The following NAT10 variants were observed in gnomAD, a reference collection of about 807,000 sequenced individuals.
NAT10 encodes RNA cytidine acetyltransferase.
NAT10 carries 109 observed loss-of-function variants against 132.2 expected under a neutral mutation model. The observed-to-expected ratio is 0.82, with a 90% CI of 0.71 to 0.97. NAT10 has a LOEUF of 0.97. NAT10 is among the 50% of genes least tolerant of loss of function. The pLI, the probability that NAT10 is intolerant of heterozygous loss-of-function variation, is 0.00. For synonymous variants in NAT10, 479 were observed against 478.0 expected (o/e 1.00, Z -0.03); for missense variants, 1,184 against 1,263.4 (o/e 0.94, Z 0.95).
At chr11:34,142,132 C>T in intron 26 of NAT10, 143 bp from the exon 27 acceptor site, 1 of 757,998 alleles carries the variant, frequency 1.3e-6, no homozygotes, top group South Asian at 1.8e-5. Context: ...ATAATCAAAG[C>T]TGCCTACAAG....
chr11:34,107,307 G>C (rs1445397462), intron 1 of NAT10: 2 of 152,140 alleles, frequency 1.3e-5, no homozygotes, highest in African/African-American at 4.8e-5. Context: ...CACTCCCGGC[G>C]AGAACTTTTG....
rs1341042879 is a variant in NAT10, at chr11:34,142,900, A to C, written c.2886-545A>C. 2.0e-5 allele frequency among the ~76,000 whole-genome samples: 3 copies of C among 152,286 alleles called. No individual in the cohort carries two copies. The East Asian group carries it at 5.8e-4, about 29-fold the overall frequency. On this transcript the variant is annotated intron_variant, in intron 27 of 28. Coordinates refer to ENST00000257829, the MANE Select transcript of NAT10 (RefSeq NM_024662.3). ...TAGTCCTGTTTCTGGGTCATTAGTG[A>C]TGGTGGCTGCTGGGTATGTGAGGTG...
intron 4 of NAT10, 125 bp downstream of exon 4, chr11:34,112,348 C>T: frequency 1.7e-6 from 2 of 1,145,242 alleles, no homozygotes; most frequent in Non-Finnish European, 2.5e-6. Context: ...TATGCCCAAG[C>T]ATTATTAGTG....
At chr11:34,107,821 G>A (rs1281274269) in intron 1 of NAT10, among the ~76,000 whole-genome samples, 1 of 152,236 alleles carries the variant, frequency 6.6e-6, no homozygotes, top group East Asian at 1.9e-4. Context: ...GTTGCAGTGA[G>A]CCGAGATCAT....
chr11:34,140,717 C>G, intron 24 of NAT10, 145 bp downstream of exon 24: 1 of 995,272 alleles, frequency 1.0e-6, no homozygotes, highest in South Asian at 1.6e-5. Flanking sequence ...CCTCATTCTA[C>G]AGGTCAGGAA....
chr11:34,127,547 G>GA lies in NAT10; in HGVS notation c.1192_1193insA (p.Val398AspfsTer20). 6 of 1,614,102 alleles carry GA rather than the reference G, an allele frequency of 3.7e-6. No individual in the cohort carries two copies. Among genetic ancestry groups the GA allele is most frequent in the Non-Finnish European group, 5.1e-6 (6 of 1,180,000 alleles). ...AGCTGCCGCCATCCCCCTCCCCTTG[G>GA]TGAAGAGCCTACTTGGCCCCTACCT... is the stretch of plus-strand genomic sequence containing the variant. On this transcript the variant is annotated frameshift_variant, in exon 12 of 29. Transcript: ENST00000257829. LOFTEE classifies it high-confidence loss of function.
Position 34,120,321 on chromosome 11 carries a change from C to T in NAT10, c.780+1818C>T, listed in dbSNP as rs1851870559. On this transcript the variant is annotated intron_variant, in intron 8 of 28. Transcript: ENST00000257829. ...AGTTTATAACTTCTATAATATAAAA[C>T]AAAATGATAAAATACAGCCTTCAGG... is the stretch of plus-strand genomic sequence containing the variant. Among the ~76,000 whole-genome samples, 3 of 152,156 alleles carry T rather than the reference C, an allele frequency of 2.0e-5. 1 individual carries two copies. The South Asian group carries it at 6.2e-4, about 32-fold the overall frequency.
chr11:34,112,181 C>G lies in NAT10; in HGVS notation c.330C>G (p.Thr110=). The change falls in exon 4 of 29, where the codon ACC becomes ACG. Residue 110 remains threonine, a synonymous_variant. Coordinates refer to ENST00000257829, the MANE Select transcript of NAT10 (RefSeq NM_024662.3). ...TNIRYCYYNE[T]HKILGNTFGM... ...TTCGCTACTGCTACTACAACGAGAC[C>G]CACAAGATCCTGGGCAATACCTTCG... 1.9e-6 allele frequency: 3 copies of G among 1,614,226 alleles called. No individual in the cohort carries two copies. Among genetic ancestry groups the G allele is most frequent in the Non-Finnish European group, 2.5e-6 (3 of 1,180,046 alleles).
Position 34,140,580 on chromosome 11 carries a change from A to C in NAT10, c.2592+8A>C. 2.5e-6 allele frequency: 4 copies of C among 1,611,102 alleles called. No individual in the cohort carries two copies. Among genetic ancestry groups the C allele is most frequent in the East Asian group, 2.2e-5 (1 of 44,716 alleles). On this transcript the variant is annotated splice_region_variant and intron_variant, in intron 24 of 28. Transcript: ENST00000257829. ...CTGTCTGCGGCTCAGTCGGTATGCT[A>C]TCTGTTGCTTGCGTGGAGGAGAAGC... is the stretch of plus-strand genomic sequence containing the variant.
chr11:34,133,020 C>G lies in NAT10; in HGVS notation c.1618-6C>G. 1 of 1,612,374 alleles carries G rather than the reference C, an allele frequency of 6.2e-7. No individual in the cohort carries two copies. ...CTTCTCACTGACCCGTGTTTGGCTT[C>G]CACAGAACTCTCCCAATGATCTCCA... On this transcript the variant is annotated splice_polypyrimidine_tract_variant and splice_region_variant and intron_variant, in intron 15 of 28. Transcript: ENST00000257829.
chr11:34,128,635 T>C (rs1852045453), intron 12 of NAT10, among the ~76,000 whole-genome samples: 1 of 152,240 alleles, frequency 6.6e-6, no homozygotes, highest in South Asian at 2.1e-4. Flanking sequence ...TTGCTTACAC[T>C]GAAAATACTG....
At chr11:34,107,755 G>A (rs1851620250) in intron 1 of NAT10, among the ~76,000 whole-genome samples, 1 of 152,176 alleles carries the variant, frequency 6.6e-6, no homozygotes, top group African/African-American at 2.4e-5. Context: ...TGCGCCTGTA[G>A]TCCCAGCTAC....
chr11:34,138,533 A>G (rs1374908135), intron 21 of NAT10, among the ~76,000 whole-genome samples: 1 of 151,990 alleles, frequency 6.6e-6, no homozygotes, highest in East Asian at 1.9e-4. Flanking sequence ...CTGTCAGTAC[A>G]TTTGGTGGAG....
At chr11:34,110,200 G>A (rs1293259359) in intron 3 of NAT10, among the ~76,000 whole-genome samples, 4 of 152,064 alleles carry the variant, frequency 2.6e-5, no homozygotes, top group African/African-American at 9.7e-5. Context: ...GCTGGCTTGT[G>A]CGATTCTGTC....
At chr11:34,146,034 T>C (rs747023186) in intron 28 of NAT10, 50 bp from the exon 29 acceptor site, 1 of 1,302,786 alleles carries the variant, frequency 7.7e-7, no homozygotes, top group Non-Finnish European at 1.1e-6. Context: ...CAGTCTCAGA[T>C]GTTCAGATCT....
At chr11:34,144,797 T>G (rs1157241837) in intron 28 of NAT10, among the ~76,000 whole-genome samples, 1 of 152,194 alleles carries the variant, frequency 6.6e-6, no homozygotes, top group East Asian at 1.9e-4. Flanking sequence ...CACAGCTGAT[T>G]TGGGGGTTGA....
intron 8 of NAT10, among the ~76,000 whole-genome samples, chr11:34,118,768 G>A (rs1851831948): frequency 6.6e-6 from 1 of 152,032 alleles, no homozygotes; most frequent in Non-Finnish European, 1.5e-5. Context: ...TTTAAAAGAC[G>A]GAGTCTCACT....
In NAT10 at chr11:34,118,265, A is replaced by C. The variant is rs756917690; in HGVS notation, c.643A>C (p.Thr215Pro). 6.2e-7 allele frequency: 1 copy of C among 1,614,106 alleles called. No homozygotes were observed. Among genetic ancestry groups the C allele is most frequent in the Admixed American group, 1.7e-5 (1 of 60,010 alleles). ...NILPISSHVA[T>P]MEALPPQTPD... Reference sequence around the variant, plus strand: ...CCTGCCCATCTCCTCCCACGTTGCCACCATGGAGGCCCTGCCTCCCCAGAC... The same window carrying C: ...CCTGCCCATCTCCTCCCACGTTGCCCCCATGGAGGCCCTGCCTCCCCAGAC... The change falls in exon 7 of 29, where the codon ACC (threonine) becomes CCC (proline). Residue 215 changes from threonine to proline, a missense_variant. Coordinates refer to ENST00000257829, the MANE Select transcript of NAT10 (RefSeq NM_024662.3).
At chr11:34,142,482 GT>G in intron 27 of NAT10, 134 bp downstream of exon 27, 1 of 739,162 alleles carries the variant, frequency 1.4e-6, no homozygotes, top group Non-Finnish European at 2.2e-6. Flanking sequence ...GATGCTAACA[GT>G]TCTATTTGAC....
Sources: gnomAD v4.1 joint callset for allele counts (sites outside exome capture counted in the v4.1 genomes callset) on GRCh38, gnomAD v4.1.1 for gene constraint, MANE v1.5 for transcripts, NCBI Gene and HGNC (gene_info 2026-07-23, HGNC 2026-07-21) for gene names.